The following LSAMP variants were observed in gnomAD, a reference collection of about 807,000 sequenced individuals.
The protein encoded by LSAMP is limbic system associated membrane protein, also known as limbic system-associated membrane protein.
Under a neutral mutation model 38.6 loss-of-function variants are expected in LSAMP, and 7 were observed. The ratio of observed to expected loss-of-function variants is 0.18; its 90% CI spans 0.10 to 0.34. LSAMP has a LOEUF of 0.34. LSAMP is among the 10% of genes least tolerant of loss of function. LSAMP has a pLI of 1.00. For synonymous variants in LSAMP, 154 were observed against 166.8 expected, an observed-to-expected ratio of 0.92 and a Z score of 0.59; for missense variants, 313 against 420.0, an observed-to-expected ratio of 0.75 and a Z score of 2.23.
chr3:116,149,003 G>A (rs904678469), intron 1 of LSAMP, among the ~76,000 whole-genome samples: 5 of 151,994 alleles, frequency 3.3e-5, no homozygotes, highest in African/African-American at 1.2e-4. Context: ...GCAACTGATT[G>A]CACAAGATCA....
At chr3:115,901,373 G>C (rs1287749667) in intron 3 of LSAMP, among the ~76,000 whole-genome samples, 1 of 151,874 alleles carries the variant, frequency 6.6e-6, no homozygotes, top group Non-Finnish European at 1.5e-5. Flanking sequence ...TACTTTACTT[G>C]GGCTGCAATT....
chr3:116,208,971 G>A (rs1486585144), intron 1 of LSAMP, among the ~76,000 whole-genome samples: 2 of 152,236 alleles, frequency 1.3e-5, no homozygotes, highest in African/African-American at 4.8e-5. Context: ...AAGCAAGCCT[G>A]GGCAATGGCA....
intron 1 of LSAMP, among the ~76,000 whole-genome samples, chr3:116,438,693 A>C (rs2049388802): frequency 6.6e-6 from 1 of 152,210 alleles, no homozygotes; most frequent in Non-Finnish European, 1.5e-5. Context: ...ATAGCATTAG[A>C]AGCAACAACA....
chr3:116,339,315 T>C (rs1293884436), intron 1 of LSAMP, among the ~76,000 whole-genome samples: 2 of 151,366 alleles, frequency 1.3e-5, no homozygotes, highest in Non-Finnish European at 2.9e-5. Context: ...TTGAAGTGGA[T>C]TCCAGGACTG....
chr3:115,960,396 G>T (rs1938587644), intron 3 of LSAMP, among the ~76,000 whole-genome samples: 1 of 152,188 alleles, frequency 6.6e-6, no homozygotes. Flanking sequence ...CAGCCTTGGA[G>T]ATTTCAAATT....
rs765673311 is a variant in LSAMP, at chr3:116,057,949, A to C, written c.388+28375T>G. 3.9e-4 allele frequency among the ~76,000 whole-genome samples: 42 copies of C among 106,738 alleles called. No individual in the cohort carries two copies. The Middle Eastern group carries it at 0.012, about 31-fold the overall frequency. The allele number at this position is 106,738 out of a possible 152,430, so 70.0% of individuals were successfully genotyped here. ...ATAGTAGCTACACACACACACACACACACACACCCACACACACACACACAC... is the reference window on the plus strand; with the variant it reads ...ATAGTAGCTACACACACACACACACCCACACACCCACACACACACACACAC... On this transcript the variant is annotated intron_variant, in intron 2 of 6. Transcript: ENST00000490035.
At chr3:116,277,532 G>T (rs1266497028) in intron 1 of LSAMP, among the ~76,000 whole-genome samples, 3 of 151,994 alleles carry the variant, frequency 2.0e-5, no homozygotes, top group African/African-American at 7.2e-5. Flanking sequence ...ACCACGCCTG[G>T]CTAATTTTTT....
intron 1 of LSAMP, among the ~76,000 whole-genome samples, chr3:116,109,817 G>A (rs1481149496): frequency 2.0e-5 from 3 of 151,762 alleles, no homozygotes; most frequent in Admixed American, 6.6e-5. Context: ...AGAGAGCATA[G>A]AGACACGGAG....
intron 1 of LSAMP, among the ~76,000 whole-genome samples, chr3:116,322,614 T>C (rs1362310237): frequency 3.9e-5 from 6 of 152,098 alleles, no homozygotes. Flanking sequence ...GGCAGGCAAT[T>C]TTTTTTCTCT....
chr3:115,911,917 A>G (rs1358231517), intron 3 of LSAMP, among the ~76,000 whole-genome samples: 1 of 152,160 alleles, frequency 6.6e-6, no homozygotes, highest in Middle Eastern at 3.2e-3. Flanking sequence ...TTTAATTTGC[A>G]TTTCCCTAAA....
intron 6 of LSAMP, among the ~76,000 whole-genome samples, chr3:115,821,143 C>T (rs868067373): frequency 6.6e-6 from 1 of 152,128 alleles, no homozygotes; most frequent in Non-Finnish European, 1.5e-5. Flanking sequence ...TCTCCCCCTC[C>T]CTCCATCCAC....
rs560259902 is a variant in LSAMP, at chr3:116,416,057, A to T, written c.155+28820T>A. Reference sequence around the variant, plus strand: ...ATAATACATAAATTCAAAGAAGCAGAGTTACAATTCACATGGATTTTTATT... The same window carrying T: ...ATAATACATAAATTCAAAGAAGCAGTGTTACAATTCACATGGATTTTTATT... On this transcript the variant is annotated intron_variant, in intron 1 of 6. Transcript: ENST00000490035. Among the ~76,000 whole-genome samples, 3 of 152,314 alleles carry T rather than the reference A, an allele frequency of 2.0e-5. No individual in the cohort carries two copies. In the East Asian group the frequency reaches 5.8e-4, roughly 29 times the overall value.
chr3:115,971,313 C>T (rs559481415), intron 3 of LSAMP, among the ~76,000 whole-genome samples: 94 of 152,106 alleles, frequency 6.2e-4, no homozygotes, highest in African/African-American at 2.2e-3. Flanking sequence ...AACAGAGATC[C>T]AAAACAAGAT....
chr3:116,129,257 C>T lies in LSAMP; in HGVS notation c.156-42701G>A, dbSNP rs184227538. On this transcript the variant is annotated intron_variant, in intron 1 of 6. Transcript: ENST00000490035. Reference sequence around the variant, plus strand: ...GAAATACTGAACTTTCTATTGCGTACACAACAGCTTGTGGCAAAGCTCTGA... The same window carrying T: ...GAAATACTGAACTTTCTATTGCGTATACAACAGCTTGTGGCAAAGCTCTGA... Among the ~76,000 whole-genome samples the T allele has an allele frequency of 7.2e-5, 11 of 152,238 alleles. No individual in the cohort carries two copies. In the East Asian group the frequency reaches 2.1e-3, roughly 29 times the overall value.
intron 3 of LSAMP, among the ~76,000 whole-genome samples, chr3:115,857,354 C>T (rs1349531831): frequency 6.6e-6 from 1 of 152,194 alleles, no homozygotes; most frequent in Non-Finnish European, 1.5e-5. Flanking sequence ...ACTGGCTGCT[C>T]TCAACCCCAG....
chr3:116,151,961 T>C (rs578126720), intron 1 of LSAMP, among the ~76,000 whole-genome samples: 1 of 152,204 alleles, frequency 6.6e-6, no homozygotes, highest in South Asian at 2.1e-4. Context: ...AAGAATGTAC[T>C]TATATTTGTC....
At chr3:116,166,005 G>A (rs545109339) in intron 1 of LSAMP, among the ~76,000 whole-genome samples, 1 of 152,234 alleles carries the variant, frequency 6.6e-6, no homozygotes, top group South Asian at 2.1e-4. Flanking sequence ...TTCTTTATAT[G>A]TTCATATGTT....
chr3:116,408,365 T>C lies in LSAMP; in HGVS notation c.155+36512A>G, dbSNP rs4831135. On this transcript the variant is annotated intron_variant, in intron 1 of 6. Coordinates refer to ENST00000490035, the MANE Select transcript of LSAMP (RefSeq NM_002338.5). ...TGGAGAAATTAACTAAAATCAAAAA[T>C]TTATTTGAAATTGACAAATCTACAG... is the stretch of plus-strand genomic sequence containing the variant. 6.9e-3 allele frequency among the ~76,000 whole-genome samples: 1,048 copies of C among 152,212 alleles called. 45 individuals are homozygous for C. The highest frequency in any genetic ancestry group is 0.063 in the Admixed American group (968 of 15,268).
intron 1 of LSAMP, among the ~76,000 whole-genome samples, chr3:116,355,758 G>A (rs2048214628): frequency 6.6e-6 from 1 of 151,952 alleles, no homozygotes; most frequent in Admixed American, 6.6e-5. Context: ...TAATAATAAT[G>A]GGCAAAAGAT....
Sources: allele counts gnomAD v4.1 joint callset (sites outside exome capture counted in the v4.1 genomes callset), GRCh38; gene constraint gnomAD v4.1.1; transcripts MANE v1.5; gene names NCBI Gene and HGNC (gene_info 2026-07-23, HGNC 2026-07-21).